The following ASTN2 variants were observed in gnomAD, a reference collection of about 807,000 sequenced individuals.
ASTN2 encodes astrotactin 2.
Under a neutral mutation model 139.8 loss-of-function variants are expected in ASTN2, and 54 were observed. The ratio of observed to expected loss-of-function variants is 0.39; its 90% CI spans 0.31 to 0.48. The LOEUF is 0.48. ASTN2 is among the 20% of genes least tolerant of loss of function. ASTN2 has a pLI of 0.95. For synonymous variants in ASTN2, 756 were observed against 719.5 expected (o/e 1.05, Z -0.81); for missense variants, 1,565 against 1,725.1 (o/e 0.91, Z 1.64).
chr9:116,717,022 C>G (rs906814977), intron 16 of ASTN2, among the ~76,000 whole-genome samples: 1 of 152,332 alleles, frequency 6.6e-6, no homozygotes, highest in South Asian at 2.1e-4. Context: ...AGCCTGGGTT[C>G]AAATCCCTGC....
chr9:117,192,917 C>G (rs992995207), intron 3 of ASTN2, among the ~76,000 whole-genome samples: 124 of 152,264 alleles, frequency 8.1e-4, no homozygotes, highest in African/African-American at 2.9e-3. Flanking sequence ...TTTATGAAGC[C>G]ATTCTATAAA....
intron 18 of ASTN2, among the ~76,000 whole-genome samples, chr9:116,618,806 T>C (rs1855982472): frequency 6.6e-6 from 1 of 152,204 alleles, no homozygotes; most frequent in Non-Finnish European, 1.5e-5. Flanking sequence ...TTCAATTAAA[T>C]TGGCAGTGCC....
In ASTN2 at chr9:116,440,720, G is replaced by A. The variant is rs1213280142; in HGVS notation, c.3671C>T (p.Thr1224Ile). ...CATCGAGGCTGAGACCTCCATCAGTGTGTTGTAGGCCATCTGCTGCTCCTT... is the reference window on the plus strand; with the variant it reads ...CATCGAGGCTGAGACCTCCATCAGTATGTTGTAGGCCATCTGCTGCTCCTT... ...SGKEQQMAYN[T>I]LMEVSASMLF... Residue 1224 changes from threonine (T) to isoleucine (I), a missense_variant, in exon 22 of 23, where the codon ACA (threonine) becomes ATA (isoleucine). Thr to Ile is a moderately conservative substitution (Grantham distance 89, BLOSUM62 -1). Coordinates refer to ENST00000313400, the MANE Select transcript of ASTN2 (RefSeq NM_001365068.1). 1.2e-6 allele frequency: 2 copies of A among 1,614,032 alleles called. No homozygotes were observed. The highest frequency in any genetic ancestry group is 2.2e-5 in the East Asian group (1 of 44,888).
In ASTN2 at chr9:116,699,732, C is replaced by T. The variant is rs769987584; in HGVS notation, c.2806+26039G>A. The T allele has an allele frequency of 2.5e-6, 4 of 1,613,970 alleles. No individual in the cohort carries two copies. The highest frequency in any genetic ancestry group is 1.7e-5 in the Admixed American group (1 of 60,008). The stretch of plus-strand genomic sequence containing the variant: ...GATGAGAAATTATCAGTTTCTTCTG[C>T]TCCCAAGCCAACTTCCCTTCCCTTA... On this transcript the variant is annotated intron_variant, in intron 16 of 22. Transcript: ENST00000313400. This position sits in a 1 kb window ranked among gnomAD's most constrained non-coding sequence, Gnocchi z 4.2.
At chr9:116,775,725 G>A (rs1056837393) in intron 13 of ASTN2, among the ~76,000 whole-genome samples, 15 of 140,836 alleles carry the variant, frequency 1.1e-4, no homozygotes, top group African/African-American at 4.0e-4. Context: ...AAGGAAGGAA[G>A]GAAGGAAGGG....
intron 20 of ASTN2, among the ~76,000 whole-genome samples, chr9:116,457,285 G>C (rs569216507): frequency 1.3e-5 from 2 of 152,210 alleles, no homozygotes; most frequent in South Asian, 4.1e-4. Flanking sequence ...CCAGGACATT[G>C]GTCTGAGCAA....
chr9:116,820,640 C>G lies in ASTN2; in HGVS notation c.2184G>C (p.Ser728=). 1 of 1,614,014 alleles carries G rather than the reference C, an allele frequency of 6.2e-7. No individual in the cohort carries two copies. Residue 728 remains serine, a synonymous_variant, in exon 12 of 23, where the codon TCG becomes TCC. Coordinates refer to ENST00000313400, the MANE Select transcript of ASTN2 (RefSeq NM_001365068.1). The part of the protein sequence containing the change: ...QTLPLPYDAT[S]STIFMFCGCV... ...ACCCGCAGAACATGAAGATGGTGCT[C>G]GAAGTGGCATCGTAGGGCAGGGGCA...
At chr9:116,532,961 A>G (rs1851425137) in intron 19 of ASTN2, among the ~76,000 whole-genome samples, 1 of 152,108 alleles carries the variant, frequency 6.6e-6, no homozygotes, top group South Asian at 2.1e-4. Context: ...CAGTATGGCC[A>G]TTTTGCAATA....
intron 19 of ASTN2, among the ~76,000 whole-genome samples, chr9:116,536,525 T>C (rs1355051370): frequency 1.3e-5 from 2 of 152,208 alleles, no homozygotes; most frequent in African/African-American, 4.8e-5. Flanking sequence ...GACGTACAGA[T>C]GGGGTTTTGG....
At chr9:117,066,140 G>A (rs1827932482) in intron 5 of ASTN2, among the ~76,000 whole-genome samples, 1 of 139,960 alleles carries the variant, frequency 7.1e-6, no homozygotes, top group African/African-American at 2.7e-5. Context: ...CTAGCATTAG[G>A]TATATCTCCC....
intron 1 of ASTN2, among the ~76,000 whole-genome samples, chr9:117,362,579 T>C (rs1829723293): frequency 6.6e-6 from 1 of 152,150 alleles, no homozygotes; most frequent in Non-Finnish European, 1.5e-5. Context: ...AGTTCCTCTT[T>C]CTCAAATCAA....
At chr9:116,445,329 A>G (rs1156373890) in intron 20 of ASTN2, among the ~76,000 whole-genome samples, 1 of 152,212 alleles carries the variant, frequency 6.6e-6, no homozygotes, top group Non-Finnish European at 1.5e-5. Context: ...AAAAGCACTT[A>G]TTTGTGCAAG....
chr9:117,108,815 A>G (rs913675921), intron 4 of ASTN2, among the ~76,000 whole-genome samples: 1 of 152,056 alleles, frequency 6.6e-6, no homozygotes, highest in Non-Finnish European at 1.5e-5. Flanking sequence ...AACCAACCCA[A>G]ATAGAAATGC....
chr9:116,779,884 C>T (rs752890146), intron 13 of ASTN2, among the ~76,000 whole-genome samples: 5 of 152,100 alleles, frequency 3.3e-5, no homozygotes, highest in Non-Finnish European at 7.4e-5. Context: ...ACTATTTCAC[C>T]ACTCATTAAT....
chr9:116,572,744 T>C (rs1416285214), intron 19 of ASTN2, among the ~76,000 whole-genome samples: 2 of 152,170 alleles, frequency 1.3e-5, no homozygotes, highest in Non-Finnish European at 2.9e-5. Flanking sequence ...CCCTTGGGAA[T>C]AATTTCCCAA....
intron 1 of ASTN2, among the ~76,000 whole-genome samples, chr9:117,343,306 T>G (rs1302337387): frequency 6.6e-6 from 1 of 152,226 alleles, no homozygotes; most frequent in Non-Finnish European, 1.5e-5. Flanking sequence ...TAGTTACTTT[T>G]GTTCAAACTA....
At chr9:116,890,863 A>G (rs1833746185) in intron 10 of ASTN2, among the ~76,000 whole-genome samples, 2 of 152,150 alleles carry the variant, frequency 1.3e-5, no homozygotes, top group African/African-American at 4.8e-5. Context: ...TGCTCACAGA[A>G]AGAAAATGTA....
At chr9:116,789,920 C>CTT (rs57433960) in intron 13 of ASTN2, among the ~76,000 whole-genome samples, 2,080 of 93,208 alleles carry the variant, frequency 0.022, 53 homozygotes, top group African/African-American at 0.062. Context: ...TTCTCTTTCT[C>CTT]TTTTTTTTTT....
At chr9:117,038,436 T>C (rs1838457148) in intron 6 of ASTN2, among the ~76,000 whole-genome samples, 1 of 152,180 alleles carries the variant, frequency 6.6e-6, no homozygotes, top group African/African-American at 2.4e-5. Flanking sequence ...AAATATTCTA[T>C]GATTTTATCT....
Sources: allele counts gnomAD v4.1 joint callset (sites outside exome capture counted in the v4.1 genomes callset), GRCh38; gene constraint gnomAD v4.1.1; non-coding constraint Gnocchi (gnomAD v3.1); transcripts MANE v1.5; gene names NCBI Gene and HGNC (gene_info 2026-07-23, HGNC 2026-07-21).